Variants in HERC2 observed in about 807,000 individuals in gnomAD.
HERC2 encodes HECT and RLD domain containing E3 ubiquitin protein ligase 2.
A neutral mutation model predicts 537.7 loss-of-function variants in HERC2; 102 were observed. That is an observed-to-expected ratio of 0.19 (90% confidence interval 0.16 to 0.22). The LOEUF is 0.22. HERC2 is among the 10% of genes least tolerant of loss of function. The pLI, the probability that HERC2 is intolerant of heterozygous loss-of-function variation, is 1.00. For synonymous variants in HERC2, 2,224 were observed against 2,466.2 expected, an observed-to-expected ratio of 0.90 and a Z score of 2.91; for missense variants, 4,236 against 6,198.2, an observed-to-expected ratio of 0.68 and a Z score of 10.63.
chr15:28,316,586 A>C (rs544044655), intron 2 of HERC2, among the ~76,000 whole-genome samples: 2 of 152,330 alleles, frequency 1.3e-5, no homozygotes, highest in Admixed American at 6.5e-5. Context: ...AAATTGTTCT[A>C]TTGAGGCACC....
intron 26 of HERC2, among the ~76,000 whole-genome samples, chr15:28,235,028 A>C (rs1211335980): frequency 1.3e-5 from 2 of 152,114 alleles, no homozygotes; most frequent in African/African-American, 4.8e-5. Context: ...TGCGAACGTT[A>C]ATTACAACTG....
intron 2 of HERC2, among the ~76,000 whole-genome samples, chr15:28,316,222 CAAAAAAAAA>C (rs869089875): frequency 0.044 from 2,234 of 50,498 alleles, 27 homozygotes; most frequent in African/African-American, 0.094. Flanking sequence ...GACTCTGTCT[CAAAAAAAAA>C]AAAAAAAAAA....
Position 28,233,744 on chromosome 15 carries a change from G to A in HERC2, c.4271C>T (p.Pro1424Leu), listed in dbSNP as rs759122262. Reference protein sequence around the residue: ...RYCRQCHLTTPIMFPPEHPVE... With the variant: ...RYCRQCHLTTLIMFPPEHPVE... Reference sequence around the variant, plus strand: ...GGGATGCTCGGGGGGAAACATGATCGGTGTGGTCAAATGGCACTGCCTACA... The same window carrying A: ...GGGATGCTCGGGGGGAAACATGATCAGTGTGGTCAAATGGCACTGCCTACA... Residue 1424 changes from proline to leucine, a missense_variant, in exon 28 of 93, where the codon CCG becomes CTG. By Grantham distance (98) the Pro-to-Leu change is moderately conservative (BLOSUM62 -3). This residue lies in a region of HERC2 where 94 missense variants were observed against 174.9 expected (regional missense o/e 0.54). Coordinates refer to ENST00000261609, the MANE Select transcript of HERC2 (RefSeq NM_004667.6). 6.2e-6 allele frequency: 10 copies of A among 1,612,368 alleles called. No homozygotes were observed. The highest frequency in any genetic ancestry group is 1.1e-5 in the South Asian group (1 of 91,056).
chr15:28,181,409 G>A (rs1364075977), intron 57 of HERC2, among the ~76,000 whole-genome samples: 2 of 152,158 alleles, frequency 1.3e-5, no homozygotes, highest in Non-Finnish European at 2.9e-5. Context: ...CAGGTACACT[G>A]AAACACAAAT....
intron 2 of HERC2, among the ~76,000 whole-genome samples, chr15:28,305,630 T>C (rs1228661505): frequency 6.9e-5 from 8 of 115,274 alleles, no homozygotes; most frequent in Admixed American, 2.9e-4. Context: ...AAGGACTTCA[T>C]GTCCAAAACA....
chr15:28,176,866 A>G lies in HERC2; in HGVS notation c.9432+84T>C, dbSNP rs1468214804. 5.1e-6 allele frequency: 8 copies of G among 1,580,990 alleles called. No individual in the cohort carries two copies. The highest frequency in any genetic ancestry group is 6.1e-6 in the Non-Finnish European group (7 of 1,155,768). On this transcript the variant is annotated intron_variant, in intron 61 of 92. Coordinates refer to ENST00000261609, the MANE Select transcript of HERC2 (RefSeq NM_004667.6). This position sits in a 1 kb window ranked among gnomAD's most constrained non-coding sequence, Gnocchi z 5.0. ...AGCCAACCATGCACACATCTTTATG[A>G]ACTTTCCTAGACTTGAAGCTTATTT...
chr15:28,122,605 C>G lies in HERC2; in HGVS notation c.13189-1176G>C, dbSNP rs1889045921. ...GCTCCCCCTCCACAGGAGCACTCCCCTCTCCTCCCAGTCACCAGCCCGCCC... is the reference window on the plus strand; with the variant it reads ...GCTCCCCCTCCACAGGAGCACTCCCGTCTCCTCCCAGTCACCAGCCCGCCC... On this transcript the variant is annotated intron_variant, in intron 85 of 92. Coordinates refer to ENST00000261609, the MANE Select transcript of HERC2 (RefSeq NM_004667.6). This position sits in a 1 kb window ranked among gnomAD's most constrained non-coding sequence, Gnocchi z 4.1. 6.6e-6 allele frequency among the ~76,000 whole-genome samples: 1 copy of G among 152,172 alleles called. No homozygotes were observed. Among genetic ancestry groups the G allele is most frequent in the Admixed American group, 6.5e-5 (1 of 15,286 alleles).
At chr15:28,144,289 A>G (rs1251830780) in intron 72 of HERC2, 54 bp from the exon 73 acceptor site, 26 of 1,579,398 alleles carry the variant, frequency 1.6e-5, no homozygotes, top group Middle Eastern at 4.2e-4. Flanking sequence ...GTACCACCCC[A>G]TAAGAAGCCG....
intron 30 of HERC2, 88 bp from the exon 31 acceptor site, chr15:28,230,588 A>G: frequency 1.1e-6 from 1 of 916,042 alleles, no homozygotes; most frequent in South Asian, 1.5e-5. Context: ...CATGAAGGAC[A>G]AATATCTCAT....
intron 5 of HERC2, among the ~76,000 whole-genome samples, chr15:28,277,192 G>A (rs894854949): frequency 6.6e-6 from 1 of 152,184 alleles, no homozygotes; most frequent in Non-Finnish European, 1.5e-5. Flanking sequence ...GAGAGAAGAC[G>A]TGAATGTGGG....
At chr15:28,315,405 G>C (rs2077054912) in intron 2 of HERC2, among the ~76,000 whole-genome samples, 1 of 152,280 alleles carries the variant, frequency 6.6e-6, no homozygotes, top group Admixed American at 6.5e-5. Context: ...AGTCAACCAA[G>C]AGGGACAGAG....
In HERC2 at chr15:28,114,740, C is replaced by A. The variant is rs767593276; in HGVS notation, c.13785G>T (p.Glu4595Asp). 48 of 1,614,010 alleles carry A rather than the reference C, an allele frequency of 3.0e-5. No individual in the cohort carries two copies. The highest frequency in any genetic ancestry group is 3.9e-5 in the Non-Finnish European group (46 of 1,180,042). ...TGAAGGGCAGGCTCATGGCTTCAAA[C>A]TCCTCTGAGGTGGCTTCATTGTCTC... The part of the protein sequence containing the change: ...YIRDNEATSE[E>D]FEAMSLPFTV... Residue 4595 changes from glutamate to aspartate, a missense_variant, in exon 90 of 93, where the codon GAG becomes GAT. Physicochemically the swap from Glu to Asp is conservative, Grantham distance 45. Around this residue, in one of 27 missense-constraint regions of HERC2, gnomAD observed 313 missense variants for 462.6 expected, o/e 0.68. Coordinates refer to ENST00000261609, the MANE Select transcript of HERC2 (RefSeq NM_004667.6).
Position 28,233,196 on chromosome 15 carries a change from C to T in HERC2, c.4625G>A (p.Arg1542His), listed in dbSNP as rs112385654. 1,251 of 1,611,796 alleles carry T rather than the reference C, an allele frequency of 7.8e-4. 9 individuals carry two copies. Among genetic ancestry groups the T allele is most frequent in the South Asian group, 3.8e-3 (350 of 90,976 alleles). Reference protein sequence around the residue: ...SKFKLLSSLPRWRRIAQKIIR... With the variant: ...SKFKLLSSLPHWRRIAQKIIR... ...TATCTTTTGAGCTATCCTCCTCCAA[C>T]GGGGCAAAGAACTTAACAATTTAAA... is the stretch of plus-strand genomic sequence containing the variant. Residue 1542 changes from arginine (R) to histidine (H), a missense_variant, in exon 30 of 93, where the codon CGT becomes CAT. This residue lies in a region of HERC2 where 343 missense variants were observed against 417.2 expected (regional missense o/e 0.82). Coordinates refer to ENST00000261609, the MANE Select transcript of HERC2 (RefSeq NM_004667.6).
At chr15:28,156,065 A>T (rs1892976937) in intron 69 of HERC2, among the ~76,000 whole-genome samples, 1 of 152,132 alleles carries the variant, frequency 6.6e-6, no homozygotes, top group Non-Finnish European at 1.5e-5. Context: ...CAAAGATCAG[A>T]TAGTTGTAGA....
intron 37 of HERC2, among the ~76,000 whole-genome samples, chr15:28,219,619 T>C (rs937962885): frequency 9.2e-5 from 14 of 152,184 alleles, no homozygotes; most frequent in African/African-American, 3.4e-4. Flanking sequence ...CTGAGCTGTG[T>C]GCCCCGAGCC....
intron 48 of HERC2, 47 bp from the exon 49 acceptor site, chr15:28,198,816 T>A: frequency 6.7e-7 from 1 of 1,501,304 alleles, no homozygotes; most frequent in Non-Finnish European, 9.1e-7. Context: ...TGTACACAGG[T>A]GAAATGAGCC....
At chr15:28,303,242 C>G (rs1313242065) in intron 2 of HERC2, among the ~76,000 whole-genome samples, 1 of 152,220 alleles carries the variant, frequency 6.6e-6, no homozygotes, top group Non-Finnish European at 1.5e-5. Context: ...ATTTTCCCAG[C>G]ACCATTTATC....
rs7170867 is a variant in HERC2 at position 28,260,219 on chromosome 15, G to C, written c.2316+558C>G. On this transcript the variant is annotated intron_variant, in intron 16 of 92. Transcript: ENST00000261609. Reference sequence around the variant, plus strand: ...TGTTTAAGAAAAAGAAAAGTAAAAAGCATCATGTAATACACCATACTAACA... The same window carrying C: ...TGTTTAAGAAAAAGAAAAGTAAAAACCATCATGTAATACACCATACTAACA... Among the ~76,000 whole-genome samples, 503 of 151,894 alleles carry C rather than the reference G, an allele frequency of 3.3e-3. 3 individuals are homozygous for C. The highest frequency in any genetic ancestry group is 0.012 in the African/African-American group (478 of 41,476).
chr15:28,304,550 T>C lies in HERC2; in HGVS notation c.73-5034A>G, dbSNP rs558427029. ...GCCTAGCTAATTTTTATATTTTTAG[T>C]AGAGACAGGGTATCACCGTGTTGGC... is the stretch of plus-strand genomic sequence containing the variant. On this transcript the variant is annotated intron_variant, in intron 2 of 92. Transcript: ENST00000261609. 5.3e-5 allele frequency among the ~76,000 whole-genome samples: 8 copies of C among 152,062 alleles called. No homozygotes were observed. The East Asian group carries it at 1.5e-3, about 29-fold the overall frequency.
Sources: allele counts gnomAD v4.1 joint callset (sites outside exome capture counted in the v4.1 genomes callset), GRCh38; gene constraint gnomAD v4.1.1; regional missense constraint gnomAD v4.1.1; non-coding constraint Gnocchi (gnomAD v3.1); transcripts MANE v1.5; gene names NCBI Gene and HGNC (gene_info 2026-07-23, HGNC 2026-07-21).